CEP128: variants seen among roughly 807,000 people sequenced by gnomAD.
CEP128 encodes centrosomal protein 128kDa.
A neutral mutation model predicts 156.7 loss-of-function variants in CEP128; 132 were observed. That is an observed-to-expected ratio of 0.84 (90% CI 0.73 to 0.97). The LOEUF is 0.97. Ranked by LOEUF, CEP128 falls within the 50% of genes least tolerant of loss-of-function variation. The pLI is 0.00. For synonymous variants in CEP128, 469 were observed against 448.9 expected (o/e 1.04, Z -0.57); for missense variants, 1,252 against 1,281.9 (o/e 0.98, Z 0.36).
intron 19 of CEP128, among the ~76,000 whole-genome samples, chr14:80,581,518 C>A (rs573308074): frequency 2.0e-5 from 3 of 152,198 alleles, no homozygotes; most frequent in Admixed American, 2.0e-4. Flanking sequence ...GATGACAGAA[C>A]TGATTGTGAT....
chr14:80,861,932 C>T (rs1223490545), intron 9 of CEP128, among the ~76,000 whole-genome samples: 2 of 151,836 alleles, frequency 1.3e-5, no homozygotes, highest in Non-Finnish European at 2.9e-5. Flanking sequence ...AAATGTTTCA[C>T]AAAAAATTAC....
intron 8 of CEP128, among the ~76,000 whole-genome samples, chr14:80,874,041 G>C (rs192117356): frequency 2.6e-5 from 4 of 152,028 alleles, no homozygotes; most frequent in African/African-American, 9.7e-5. Flanking sequence ...TGCCCAGTTC[G>C]TATGTCTTTA....
intron 2 of CEP128, among the ~76,000 whole-genome samples, chr14:80,952,604 AAAG>A (rs1475615246): frequency 1.3e-5 from 2 of 152,216 alleles, no homozygotes; most frequent in South Asian, 4.1e-4. Flanking sequence ...CTTAAGAAGT[AAAG>A]AAGAGCCAAT....
At chr14:80,754,931 G>A (rs1899578303) in intron 18 of CEP128, among the ~76,000 whole-genome samples, 2 of 152,172 alleles carry the variant, frequency 1.3e-5, no homozygotes, top group African/African-American at 4.8e-5. Context: ...ATTCCTTAAT[G>A]ACCATGTGAT....
chr14:80,911,305 C>A (rs1884201561), intron 4 of CEP128, among the ~76,000 whole-genome samples: 1 of 152,118 alleles, frequency 6.6e-6, no homozygotes, highest in Non-Finnish European at 1.5e-5. Flanking sequence ...TCAAGACCAG[C>A]CTGGCCAACA....
intron 8 of CEP128, among the ~76,000 whole-genome samples, chr14:80,870,871 G>T (rs1325850389): frequency 6.6e-6 from 1 of 151,198 alleles, no homozygotes; most frequent in East Asian, 1.9e-4. Flanking sequence ...AAAAAAAACT[G>T]TTAGAAGTAA....
At chr14:80,746,026 T>C (rs2139612360) in intron 18 of CEP128, among the ~76,000 whole-genome samples, 1 of 152,272 alleles carries the variant, frequency 6.6e-6, no homozygotes, top group Admixed American at 6.5e-5. Context: ...ATGAAGTCTT[T>C]AGTGATAAAC....
chr14:80,824,911 A>T (rs886333729), intron 13 of CEP128, among the ~76,000 whole-genome samples: 12 of 152,350 alleles, frequency 7.9e-5, no homozygotes, highest in African/African-American at 2.6e-4. Context: ...TGTTGCTGAT[A>T]AAGACACACC....
At chr14:80,505,722 T>TA (rs1270053264) in intron 23 of CEP128, among the ~76,000 whole-genome samples, 2 of 152,236 alleles carry the variant, frequency 1.3e-5, no homozygotes, top group African/African-American at 4.8e-5. Context: ...ATTTTACTAA[T>TA]AAAATAGATT....
At chr14:80,494,025 C>T (rs907022902), downstream of CEP128, among the ~76,000 whole-genome samples, 4 of 152,088 alleles carry the variant, frequency 2.6e-5, no homozygotes, top group African/African-American at 7.2e-5. Flanking sequence ...TTAGATGTGT[C>T]GTGTTTTGTA....
chr14:80,595,901 A>G (rs2140505795), intron 19 of CEP128, among the ~76,000 whole-genome samples: 1 of 152,186 alleles, frequency 6.6e-6, no homozygotes, highest in East Asian at 1.9e-4. Context: ...ATCTCATGAG[A>G]CTTATTCACT....
chr14:80,786,239 T>A (rs974461223), intron 14 of CEP128, among the ~76,000 whole-genome samples: 1 of 152,170 alleles, frequency 6.6e-6, no homozygotes, highest in Non-Finnish European at 1.5e-5. Context: ...TTAACTCTTC[T>A]GGCCTCTAAT....
chr14:80,667,348 T>C (rs997431103), intron 19 of CEP128, among the ~76,000 whole-genome samples: 1 of 152,068 alleles, frequency 6.6e-6, no homozygotes, highest in Middle Eastern at 3.4e-3. Context: ...ATCCAGCAAA[T>C]AAATTCTCCA....
intron 19 of CEP128, among the ~76,000 whole-genome samples, chr14:80,690,129 G>A (rs1435306657): frequency 6.6e-6 from 1 of 151,930 alleles, no homozygotes; most frequent in Middle Eastern, 3.2e-3. Flanking sequence ...AGTTTGGGCA[G>A]GGCGTGGTGG....
chr14:80,761,772 T>C (rs1247418230), intron 16 of CEP128, among the ~76,000 whole-genome samples, 159 bp from the exon 17 acceptor site: 1 of 152,124 alleles, frequency 6.6e-6, no homozygotes, highest in African/African-American at 2.4e-5. Context: ...AATCTACTCA[T>C]TAACTGAGGT....
intron 14 of CEP128, among the ~76,000 whole-genome samples, chr14:80,481,904 C>T (rs1887061581): frequency 6.6e-6 from 1 of 152,118 alleles, no homozygotes; most frequent in African/African-American, 2.4e-5. Flanking sequence ...TCTGGGATGA[C>T]AAAATAAATA....
chr14:80,832,251 C>T (rs1885843276), intron 12 of CEP128, among the ~76,000 whole-genome samples: 1 of 152,042 alleles, frequency 6.6e-6, no homozygotes, highest in African/African-American at 2.4e-5. Context: ...TCTTTATTAG[C>T]AGTGTGAGAA....
At chr14:80,956,068 A>G (rs60983251) in intron 2 of CEP128, 12,531 of 622,536 alleles carry the variant, frequency 0.02, 1,068 homozygotes, top group African/African-American at 0.2. Flanking sequence ...TTCCCAACAC[A>G]GGAAAATGTT....
At chr14:80,526,017 G>C (rs1888959468) in intron 23 of CEP128, among the ~76,000 whole-genome samples, 1 of 151,814 alleles carries the variant, frequency 6.6e-6, no homozygotes, top group African/African-American at 2.4e-5. Flanking sequence ...TTGACTTGGA[G>C]TGCACATTTG....
Sources: gnomAD v4.1 joint callset for allele counts (sites outside exome capture counted in the v4.1 genomes callset) on GRCh38, gnomAD v4.1.1 for gene constraint, MANE v1.5 for transcripts, NCBI Gene and HGNC (gene_info 2026-07-23, HGNC 2026-07-21) for gene names.